Variants in LIMS2 observed in about 807,000 individuals in gnomAD.
LIMS2 encodes LIM and senescent cell antigen-like-containing domain protein 2.
In LIMS2, 30 loss-of-function variants were observed where a neutral mutation model predicts 45.3. That is an observed-to-expected ratio of 0.66 (90% CI 0.50 to 0.90). LIMS2 has a LOEUF of 0.90. Among genes scored for constraint, LIMS2 ranks in the 40% least tolerant of loss-of-function variants. LIMS2 has a pLI of 0.00. For missense variants in LIMS2, 485 were observed against 468.7 expected (o/e 1.03, Z -0.32); for synonymous variants, 173 against 188.0 (o/e 0.92, Z 0.65).
chr2:127,648,523 T>C (rs1683244007), intron 4 of LIMS2, among the ~76,000 whole-genome samples: 1 of 152,110 alleles, frequency 6.6e-6, no homozygotes, highest in Non-Finnish European at 1.5e-5. Context: ...AGCCTCCTCC[T>C]CGAGGGGCTG....
chr2:127,644,167 A>G (rs6745343), intron 4 of LIMS2: 34,462 of 452,404 alleles, frequency 0.076, 1,576 homozygotes, highest in African/African-American at 0.1. Context: ...AAGGGGCCCA[A>G]ACAAAGGCCC....
At chr2:127,669,296 T>C (rs550919443) in intron 1 of LIMS2, among the ~76,000 whole-genome samples, 94 of 151,990 alleles carry the variant, frequency 6.2e-4, no homozygotes, top group African/African-American at 2.2e-3. Flanking sequence ...TTCCTAAACA[T>C]GACAAAAAAA....
intron 1 of LIMS2, among the ~76,000 whole-genome samples, chr2:127,663,832 C>T (rs546546503): frequency 2.0e-5 from 3 of 152,328 alleles, no homozygotes; most frequent in African/African-American, 4.8e-5. Context: ...CCACCATCCC[C>T]GTGCCCCTCC....
Position 127,664,759 on chromosome 2 carries a change from C to T in LIMS2, c.12-7197G>A, listed in dbSNP as rs1209974128. On this transcript the variant is annotated intron_variant, in intron 1 of 9. Coordinates refer to ENST00000355119, the MANE Select transcript of LIMS2 (RefSeq NM_001161403.3). The surrounding 1 kb of genome is among the most constrained non-coding windows in gnomAD (Gnocchi z 5.5). ...GGCTGCCACCTGCCAGGAGGAAAGC[C>T]TGTGCCCGTGGACACACTGAGGAGG... Among the ~76,000 whole-genome samples the T allele has an allele frequency of 6.6e-6, 1 of 152,216 alleles. No homozygotes were observed. The highest frequency in any genetic ancestry group is 1.9e-4 in the East Asian group (1 of 5,190).
rs531608626 is a variant in LIMS2 at position 127,675,046 on chromosome 2, TGGGTTGCCG to T, written c.-31_-23del. The stretch of plus-strand genomic sequence containing the variant: ...TCATGGTGGCAGCGACGCCGAGCCC[TGGGTTGCCG>T]GGGTTGCCGCGGGTCTCCCTCTGCT... On this transcript the variant is annotated 5_prime_UTR_variant, in exon 1 of 10. Coordinates refer to ENST00000355119, the MANE Select transcript of LIMS2 (RefSeq NM_001161403.3). The T allele has an allele frequency of 0.086, 106,068 of 1,227,598 alleles. 5,017 individuals carry two copies. Among genetic ancestry groups the T allele is most frequent in the Middle Eastern group, 0.13 (476 of 3,686 alleles). The allele number at this position is 1,227,598 out of a possible 1,614,324, so 76.0% of individuals were successfully genotyped here. A position where few individuals can be genotyped will look rare whatever the true frequency, so the allele number is the denominator to read the frequency against.
At chr2:127,649,914 C>A in intron 4 of LIMS2, 1 of 987,156 alleles carries the variant, frequency 1.0e-6, no homozygotes, top group Non-Finnish European at 1.5e-6. Flanking sequence ...AGATGCTGCC[C>A]CCTGGTGGTG....
Position 127,671,062 on chromosome 2 carries a change from A to G in LIMS2, c.11+3952T>C, listed in dbSNP as rs567832335. 5.4e-4 allele frequency among the ~76,000 whole-genome samples: 82 copies of G among 152,322 alleles called. No individual in the cohort carries two copies. The highest frequency in any genetic ancestry group is 2.0e-3 in the African/African-American group (82 of 41,568). On this transcript the variant is annotated intron_variant, in intron 1 of 9. Coordinates refer to ENST00000355119, the MANE Select transcript of LIMS2 (RefSeq NM_001161403.3). The surrounding 1 kb of genome is among the most constrained non-coding windows in gnomAD (Gnocchi z 4.1). The stretch of plus-strand genomic sequence containing the variant: ...TCAGAAATGTACACGCTACACCTCA[A>G]CAGAACAAGCAAGACAGTGACAGTG...
chr2:127,650,825 G>T, intron 4 of LIMS2: 1 of 1,614,086 alleles, frequency 6.2e-7, no homozygotes, highest in Non-Finnish European at 8.5e-7. Flanking sequence ...CGCCACTGGA[G>T]AACATGCTGT....
rs1318545299 is a variant in LIMS2, at chr2:127,647,364, C to T, written c.360-4292G>A. On this transcript the variant is annotated intron_variant, in intron 4 of 9. Transcript: ENST00000355119. The surrounding 1 kb of genome is among the most constrained non-coding windows in gnomAD (Gnocchi z 4.3). ...GTTTCCCCGGTCTCACTTCCAGCTC[C>T]AGGGCCAATGTCCCCTGGTCAAGTG... 6.6e-6 allele frequency among the ~76,000 whole-genome samples: 1 copy of T among 152,164 alleles called. No homozygotes were observed. The highest frequency in any genetic ancestry group is 1.5e-5 in the Non-Finnish European group (1 of 68,012).
In LIMS2 at chr2:127,642,036, C is replaced by G; in HGVS notation, c.660+13G>C. The G allele has an allele frequency of 6.2e-7, 1 of 1,609,930 alleles. No homozygotes were observed. The highest frequency in any genetic ancestry group is 8.5e-7 in the Non-Finnish European group (1 of 1,178,544). On this transcript the variant is annotated intron_variant, in intron 6 of 9. Coordinates refer to ENST00000355119, the MANE Select transcript of LIMS2 (RefSeq NM_001161403.3). This position sits in a 1 kb window ranked among gnomAD's most constrained non-coding sequence, Gnocchi z 5.3. ...CCCCAACCTGAGGCCACGTGTCCAC[C>G]AGCCTGGCTCACCTCCACGTGCCAC...
intron 4 of LIMS2, among the ~76,000 whole-genome samples, chr2:127,648,985 A>G (rs1227503551): frequency 2.9e-4 from 5 of 17,112 alleles, no homozygotes; most frequent in Admixed American, 8.6e-4. Context: ...GAGGGAGGGG[A>G]GGGGAGGGAG....
At chr2:127,676,015 TAGAGGCGTTA>T (rs893955151), upstream of LIMS2, among the ~76,000 whole-genome samples, 2 of 152,214 alleles carry the variant, frequency 1.3e-5, no homozygotes, top group Non-Finnish European at 2.9e-5. Context: ...AAGCTACCAT[TAGAGGCGTTA>T]AGATGGAGGG....
At chr2:127,669,859 A>G (rs148341096) in intron 1 of LIMS2, among the ~76,000 whole-genome samples, 18 of 152,326 alleles carry the variant, frequency 1.2e-4, no homozygotes, top group African/African-American at 4.1e-4. Flanking sequence ...TCCAAAGAGG[A>G]TTTACAAGTG....
chr2:127,660,474 G>A (rs527324104), intron 1 of LIMS2, among the ~76,000 whole-genome samples: 110 of 152,264 alleles, frequency 7.2e-4, no homozygotes, highest in Admixed American at 2.4e-3. Context: ...ACCATGAACC[G>A]ACGGGGAGGA....
intron 1 of LIMS2, among the ~76,000 whole-genome samples, chr2:127,660,428 G>A (rs1332625485): frequency 6.6e-6 from 1 of 152,180 alleles, no homozygotes; most frequent in African/African-American, 2.4e-5. Flanking sequence ...AATGTTCACA[G>A]CGAAGGTCTG....
At chr2:127,641,758 C>T (rs1448794796) in intron 6 of LIMS2, 2 of 365,392 alleles carry the variant, frequency 5.5e-6, no homozygotes, top group Non-Finnish European at 1.0e-5. Context: ...GGACAGACTG[C>T]CCCCAAGGTT....
intron 4 of LIMS2, chr2:127,650,142 T>A: frequency 7.1e-7 from 1 of 1,410,132 alleles, no homozygotes; most frequent in Admixed American, 1.9e-5. Flanking sequence ...GGGGGCACCC[T>A]CCTAAGTGCC....
At chr2:127,674,749 G>A in intron 1 of LIMS2, 1 of 985,398 alleles carries the variant, frequency 1.0e-6, no homozygotes, top group African/African-American at 1.7e-5. Flanking sequence ...CGTCGGTTGT[G>A]AGCAGACGGC....
chr2:127,651,423 A>C, intron 4 of LIMS2: 1 of 1,612,946 alleles, frequency 6.2e-7, no homozygotes, highest in East Asian at 2.2e-5. Context: ...GAAGCGCCTC[A>C]AGACCAAGGC....
Sources: gnomAD v4.1 joint callset for allele counts (sites outside exome capture counted in the v4.1 genomes callset) on GRCh38, gnomAD v4.1.1 for gene constraint, Gnocchi (gnomAD v3.1) non-coding constraint, MANE v1.5 for transcripts, NCBI Gene and HGNC (gene_info 2026-07-23, HGNC 2026-07-21) for gene names.